The following PDLIM5 variants were observed in gnomAD, a reference collection of about 807,000 sequenced individuals.
The protein encoded by PDLIM5 is PDZ and LIM domain 5, also known as PDZ and LIM domain protein 5.
PDLIM5 carries 34 observed loss-of-function variants against 64.2 expected under a neutral mutation model. The ratio of observed to expected loss-of-function variants is 0.53; its 90% confidence interval spans 0.40 to 0.71. The LOEUF (loss-of-function observed/expected upper bound fraction) is 0.71, where lower values mean the gene tolerates loss of function less well. Among genes scored for constraint, PDLIM5 ranks in the 30% least tolerant of loss-of-function variants. PDLIM5 has a pLI of 0.00. For missense variants in PDLIM5, 683 were observed against 733.6 expected (o/e 0.93, Z 0.80); for synonymous variants, 253 against 269.1 (o/e 0.94, Z 0.59).
At chr4:94,587,206 T>C in intron 7 of PDLIM5, 5 of 1,464,066 alleles carry the variant, frequency 3.4e-6, no homozygotes, top group Non-Finnish European at 4.5e-6. Context: ...TCTATACTTT[T>C]CTAACAATTT....
chr4:94,636,049 C>G (rs1172492716), intron 8 of PDLIM5, among the ~76,000 whole-genome samples: 5 of 152,086 alleles, frequency 3.3e-5, no homozygotes, highest in Admixed American at 1.3e-4. Flanking sequence ...GAACTTAGAG[C>G]CTTTTTATGT....
chr4:94,526,355 C>T lies in PDLIM5; in HGVS notation c.248+2480C>T, dbSNP rs565256325. ...TTAAATACAGAATCTGACAAACCAA[C>T]TTACAAAATTGACTTGTTATAAACA... On this transcript the variant is annotated intron_variant, in intron 3 of 12. Coordinates refer to ENST00000317968, the MANE Select transcript of PDLIM5 (RefSeq NM_006457.5). Among the ~76,000 whole-genome samples the T allele has an allele frequency of 1.1e-4, 16 of 152,282 alleles. No individual in the cohort carries two copies. In the South Asian group the frequency reaches 2.9e-3, roughly 28 times the overall value.
chr4:94,529,330 C>G (rs952257191), intron 3 of PDLIM5, among the ~76,000 whole-genome samples: 1 of 152,138 alleles, frequency 6.6e-6, no homozygotes, highest in Non-Finnish European at 1.5e-5. Context: ...TGCCCAAATT[C>G]TGCTCTCCTC....
intron 7 of PDLIM5, chr4:94,587,239 G>T: frequency 1.5e-6 from 2 of 1,314,424 alleles, no homozygotes; most frequent in Non-Finnish European, 1.9e-6. Flanking sequence ...AGAAAAGGAA[G>T]ATGAACATGT....
intron 2 of PDLIM5, among the ~76,000 whole-genome samples, chr4:94,483,960 C>T (rs187418137): frequency 1.3e-5 from 2 of 152,254 alleles, no homozygotes; most frequent in East Asian, 3.9e-4. Flanking sequence ...TCTTTTTATT[C>T]CCTCCACTTA....
chr4:94,564,412 T>C (rs532888770), intron 3 of PDLIM5, among the ~76,000 whole-genome samples: 6 of 152,286 alleles, frequency 3.9e-5, no homozygotes, highest in Non-Finnish European at 8.8e-5. Flanking sequence ...GCCCCACTGG[T>C]ACATTCCTGC....
chr4:94,531,434 A>G (rs1301637936), intron 3 of PDLIM5, among the ~76,000 whole-genome samples: 1 of 152,164 alleles, frequency 6.6e-6, no homozygotes, highest in Non-Finnish European at 1.5e-5. Context: ...GAGGTATCCA[A>G]TCTTTTGGCT....
chr4:94,484,468 CAT>C (rs1205490930), intron 2 of PDLIM5, among the ~76,000 whole-genome samples: 1 of 152,146 alleles, frequency 6.6e-6, no homozygotes, highest in African/African-American at 2.4e-5. Flanking sequence ...AACTATGTAA[CAT>C]ATGGATTATC....
chr4:94,470,238 A>G (rs1724744859), intron 2 of PDLIM5, among the ~76,000 whole-genome samples: 1 of 152,126 alleles, frequency 6.6e-6, no homozygotes, highest in Non-Finnish European at 1.5e-5. Flanking sequence ...TGCTGGGATT[A>G]CATGCATGAG....
chr4:94,464,881 A>G (rs763719022), intron 2 of PDLIM5, among the ~76,000 whole-genome samples: 1 of 152,194 alleles, frequency 6.6e-6, no homozygotes, highest in Non-Finnish European at 1.5e-5. Flanking sequence ...TCAATGGCTT[A>G]TTCTCCTTCA....
chr4:94,555,259 G>C (rs984714433), intron 3 of PDLIM5, among the ~76,000 whole-genome samples: 1 of 152,166 alleles, frequency 6.6e-6, no homozygotes, highest in Non-Finnish European at 1.5e-5. Context: ...TCCCCGCCAT[G>C]TTGGCCAGGA....
At chr4:94,474,811 A>G (rs115183486) in intron 2 of PDLIM5, among the ~76,000 whole-genome samples, 1,646 of 152,166 alleles carry the variant, frequency 0.011, 30 homozygotes, top group African/African-American at 0.037. Flanking sequence ...CACCATGCAC[A>G]GCTAATTTTT....
chr4:94,466,464 A>C (rs927427772), intron 2 of PDLIM5, among the ~76,000 whole-genome samples: 4 of 152,238 alleles, frequency 2.6e-5, no homozygotes, highest in Non-Finnish European at 4.4e-5. Flanking sequence ...GGGATTCATT[A>C]GATTCCACAT....
At chr4:94,579,492 A>T (rs1274971018) in intron 5 of PDLIM5, 5 of 1,199,970 alleles carry the variant, frequency 4.2e-6, no homozygotes, top group Non-Finnish European at 5.9e-6. Context: ...ATGTGGTAGT[A>T]ATATTTTAAA....
chr4:94,585,262 T>C (rs1431306874), intron 5 of PDLIM5, among the ~76,000 whole-genome samples: 1 of 152,002 alleles, frequency 6.6e-6, no homozygotes, highest in Non-Finnish European at 1.5e-5. Context: ...AGCTAATTTT[T>C]TGTATTTTTA....
intron 7 of PDLIM5, chr4:94,608,326 A>G: frequency 2.4e-6 from 1 of 415,820 alleles, no homozygotes; most frequent in Non-Finnish European, 4.2e-6. Context: ...TCAGCCTCAA[A>G]ACAGCGCTTC....
chr4:94,580,337 C>T (rs1176598389), intron 5 of PDLIM5, among the ~76,000 whole-genome samples: 1 of 152,100 alleles, frequency 6.6e-6, no homozygotes, highest in African/African-American at 2.4e-5. Flanking sequence ...TGGGACACAT[C>T]CAAGAGAATT....
chr4:94,501,827 T>A (rs1578262238), intron 2 of PDLIM5, among the ~76,000 whole-genome samples: 1 of 152,156 alleles, frequency 6.6e-6, no homozygotes, highest in African/African-American at 2.4e-5. Context: ...CCAAGGAAGA[T>A]CTTCCCACCA....
chr4:94,478,002 A>T (rs1458871931), intron 2 of PDLIM5, among the ~76,000 whole-genome samples: 1 of 152,168 alleles, frequency 6.6e-6, no homozygotes, highest in Non-Finnish European at 1.5e-5. Flanking sequence ...TCACGCCTGT[A>T]ATCCCAGCAC....
Sources: allele counts gnomAD v4.1 joint callset (sites outside exome capture counted in the v4.1 genomes callset), GRCh38; gene constraint gnomAD v4.1.1; transcripts MANE v1.5; gene names NCBI Gene and HGNC (gene_info 2026-07-23, HGNC 2026-07-21).